DNAH6: variants seen among roughly 807,000 people sequenced by gnomAD.
The protein encoded by DNAH6 is axonemal beta dynein heavy chain 6.
A neutral mutation model predicts 491.4 loss-of-function variants in DNAH6; 340 were observed. That is an observed-to-expected ratio of 0.69 (90% CI 0.63 to 0.76). The LOEUF (loss-of-function observed/expected upper bound fraction) is 0.76. DNAH6 is among the 30% of genes least tolerant of loss of function. The pLI is 0.00. For missense variants in DNAH6, 4,443 were observed against 4,972.2 expected (o/e 0.89, Z 3.20); for synonymous variants, 1,603 against 1,686.1 (o/e 0.95, Z 1.21).
chr2:84,705,666 C>T lies in DNAH6; in HGVS notation c.8646C>T (p.Cys2882=), dbSNP rs371228644. 2.2e-5 allele frequency: 34 copies of T among 1,551,468 alleles called. No individual in the cohort carries two copies. Among genetic ancestry groups the T allele is most frequent in the Admixed American group, 2.0e-4 (10 of 50,986 alleles). The change falls in exon 52 of 77, where the codon TGC becomes TGT. Residue 2882 remains cysteine (C), a synonymous_variant. Transcript: ENST00000389394. ...TGTCCAAAGCATGTAAATCTATGTG[C>T]ATGTGGGTAAGAGCTATGGATTTGT... The part of the protein sequence containing the change: ...EKVSKACKSM[C]MWVRAMDLYS...
intron 64 of DNAH6, among the ~76,000 whole-genome samples, chr2:84,768,976 G>A (rs568560121): frequency 2.5e-4 from 38 of 152,324 alleles, no homozygotes; most frequent in Non-Finnish European, 4.3e-4. Flanking sequence ...AGATATCTGG[G>A]CCAGTGTGAC....
intron 31 of DNAH6, 45 bp from the exon 32 acceptor site, chr2:84,640,385 T>C: frequency 8.2e-7 from 1 of 1,217,080 alleles, no homozygotes. Flanking sequence ...AATACATTGT[T>C]ATCAATACAA....
At chr2:84,621,621 G>T in intron 26 of DNAH6, 70 bp downstream of exon 26, 1 of 844,590 alleles carries the variant, frequency 1.2e-6, no homozygotes, top group Non-Finnish European at 1.8e-6. Context: ...TTAAAGCACA[G>T]TTAATGCAAA....
chr2:84,754,202 G>A (rs549565044), intron 63 of DNAH6, among the ~76,000 whole-genome samples: 79 of 148,384 alleles, frequency 5.3e-4, no homozygotes, highest in African/African-American at 1.7e-3. Context: ...TCTTTTTGAC[G>A]GAGTTTTGCC....
intron 14 of DNAH6, 92 bp from the exon 15 acceptor site, chr2:84,583,907 A>T: frequency 7.7e-7 from 1 of 1,301,626 alleles, no homozygotes; most frequent in East Asian, 2.3e-5. Flanking sequence ...TACAATGTTC[A>T]TATTGTACAG....
chr2:84,701,430 C>A, intron 49 of DNAH6, 91 bp downstream of exon 49: 1 of 1,349,202 alleles, frequency 7.4e-7, no homozygotes, highest in Non-Finnish European at 1.0e-6. Flanking sequence ...TCTTACCTGT[C>A]AGGGCCCTGT....
the DNAH6 span, among the ~76,000 whole-genome samples, chr2:84,463,167 C>T: frequency 6.6e-6 from 1 of 152,032 alleles, no homozygotes; most frequent in Non-Finnish European, 1.5e-5. Flanking sequence ...CAAATAATAC[C>T]ATCTAAGAGA....
In DNAH6 at chr2:84,525,739, G is replaced by T. The variant is rs530840534; in HGVS notation, c.399+1G>T. 1.3e-6 allele frequency: 2 copies of T among 1,533,510 alleles called. No homozygotes were observed. The highest frequency in any genetic ancestry group is 1.2e-5 in the South Asian group (1 of 81,520). The allele number at this position is 1,533,510 out of a possible 1,614,324, so 95.0% of individuals were successfully genotyped here. A position where few individuals can be genotyped will look rare whatever the true frequency, so the allele number is the denominator to read the frequency against. On this transcript the variant is annotated splice_donor_variant, in intron 3 of 76. Transcript: ENST00000389394. LOFTEE classifies it high-confidence loss of function. ...TCAAGATGCTGTGAAAAAAATGCAG[G>T]TATAATATTAAAATACTTAATTGAT...
At chr2:84,703,634 G>A (rs1266035687) in intron 50 of DNAH6, 72 bp downstream of exon 50, 20 of 1,263,114 alleles carry the variant, frequency 1.6e-5, no homozygotes, top group Middle Eastern at 2.1e-4. Flanking sequence ...AATGAGACAC[G>A]ATTGGATTTT....
intron 10 of DNAH6, among the ~76,000 whole-genome samples, chr2:84,553,304 C>T (rs946608631): frequency 6.9e-6 from 1 of 144,600 alleles, no homozygotes; most frequent in Non-Finnish European, 1.5e-5. Context: ...ATAGGGATCC[C>T]TTTAAGGACA....
the DNAH6 span, among the ~76,000 whole-genome samples, chr2:84,472,345 C>G: frequency 3.3e-5 from 5 of 151,952 alleles, no homozygotes; most frequent in Admixed American, 1.3e-4. Flanking sequence ...ACTACACTAT[C>G]CTGGCCATTA....
intron 45 of DNAH6, among the ~76,000 whole-genome samples, chr2:84,693,515 A>G (rs533369842): frequency 1.3e-5 from 2 of 152,236 alleles, no homozygotes; most frequent in East Asian, 1.9e-4. Flanking sequence ...AGGCCAAGGC[A>G]GGCGAATCAT....
At chr2:84,750,954 G>C (rs957469468) in intron 63 of DNAH6, 1 of 152,158 alleles carries the variant, frequency 6.6e-6, no homozygotes, top group Non-Finnish European at 1.5e-5. Context: ...ACCCAGATTA[G>C]GTTTCAGAAA....
Position 84,709,435 on chromosome 2 carries a change from G to A in DNAH6, c.9141G>A (p.Glu3047=), listed in dbSNP as rs1696827368. 3 of 1,551,690 alleles carry A rather than the reference G, an allele frequency of 1.9e-6. No homozygotes were observed. The highest frequency in any genetic ancestry group is 1.7e-4 in the Middle Eastern group (1 of 5,994). Residue 3047 remains glutamate (E), a synonymous_variant, in exon 55 of 77, where the codon GAG becomes GAA. Coordinates refer to ENST00000389394, the MANE Select transcript of DNAH6 (RefSeq NM_001370.2). ...TTAACATTCTTGGAGATCCCTACGA[G>A]ATACGGCAGTGGAACACTGATGGGC... The part of the protein sequence containing the change: ...SLINILGDPY[E]IRQWNTDGLP...
chr2:84,460,842 A>AACTTTGTAAATATAACTTTGT, the DNAH6 span, among the ~76,000 whole-genome samples: 1 of 152,262 alleles, frequency 6.6e-6, no homozygotes, highest in East Asian at 1.9e-4. Flanking sequence ...GTTAAATATT[A>AACTTTGTAAATATAACTTTGT]AAAGCCAGTG....
the DNAH6 span, among the ~76,000 whole-genome samples, chr2:84,468,788 CTATT>C: frequency 6.6e-6 from 1 of 152,144 alleles, no homozygotes; most frequent in African/African-American, 2.4e-5. Flanking sequence ...AGACTTTTAA[CTATT>C]TAATATGATT....
chr2:84,728,635 T>C (rs558694602), intron 61 of DNAH6, among the ~76,000 whole-genome samples: 13 of 152,328 alleles, frequency 8.5e-5, no homozygotes, highest in African/African-American at 2.6e-4. Context: ...ATAGTTTTTT[T>C]TAAAAAACCA....
Position 84,727,852 on chromosome 2 carries a change from T to A in DNAH6, c.10156T>A (p.Ser3386Thr), listed in dbSNP as rs1573622786. The A allele has an allele frequency of 3.9e-6, 6 of 1,552,156 alleles. No individual in the cohort carries two copies. In the African/African-American group the frequency reaches 5.5e-5, roughly 14 times the overall value. Residue 3386 changes from serine (S) to threonine (T), a missense_variant, in exon 61 of 77, where the codon TCT becomes ACT. By Grantham distance (58) the Ser-to-Thr change is moderately conservative (BLOSUM62 1). Transcript: ENST00000389394. ...GATGATGCGTCAGCAAGGAACCCTA[T>A]CTGATGCTGAATGGAATTTCTTTCT... ...VEMMRQQGTL[S>T]DAEWNFFLRG...
the DNAH6 span, among the ~76,000 whole-genome samples, chr2:84,503,517 C>T: frequency 6.6e-6 from 1 of 152,062 alleles, no homozygotes; most frequent in African/African-American, 2.4e-5. Flanking sequence ...ATTTATTGCT[C>T]ACTAATGTTG....
Sources: allele counts gnomAD v4.1 joint callset (sites outside exome capture counted in the v4.1 genomes callset), GRCh38; gene constraint gnomAD v4.1.1; transcripts MANE v1.5; gene names NCBI Gene and HGNC (gene_info 2026-07-23, HGNC 2026-07-21).